Variants in RRAGC observed in about 807,000 individuals in gnomAD.
RRAGC encodes ras-related GTP-binding protein C.
Under a neutral mutation model 37.1 loss-of-function variants are expected in RRAGC, and 8 were observed. The ratio of observed to expected loss-of-function variants is 0.22; its 90% CI spans 0.13 to 0.39. The LOEUF (loss-of-function observed/expected upper bound fraction) is 0.39, where lower values mean the gene tolerates loss of function less well. Among genes scored for constraint, RRAGC ranks in the 10% least tolerant of loss-of-function variants. RRAGC has a pLI of 1.00. For synonymous variants in RRAGC, 190 were observed against 181.1 expected (o/e 1.05, Z -0.39); for missense variants, 342 against 497.6 (o/e 0.69, Z 2.98).
chr1:38,856,826 G>C, intron 2 of RRAGC, 53 bp downstream of exon 2: 5 of 1,548,068 alleles, frequency 3.2e-6, no homozygotes, highest in Non-Finnish European at 4.5e-6. Context: ...ACTTTCCTTT[G>C]TTTCTACATC....
chr1:38,854,860 C>G (rs1455072654), intron 3 of RRAGC, among the ~76,000 whole-genome samples: 1 of 152,148 alleles, frequency 6.6e-6, no homozygotes, highest in Non-Finnish European at 1.5e-5. Context: ...AGAGAAATAA[C>G]TTGCTGTCTC....
chr1:38,859,618 G>A lies in RRAGC; in HGVS notation c.29C>T (p.Thr10Met), dbSNP rs865839016. 6 of 1,561,998 alleles carry A rather than the reference G, an allele frequency of 3.8e-6. No individual in the cohort carries two copies. Among genetic ancestry groups the A allele is most frequent in the Non-Finnish European group, 5.2e-6 (6 of 1,154,852 alleles). ...CGCGCCGTAACTGCCGGCGAGGGGC[G>A]TCTCCTCCGCCCCGTACTGCAGGGA... Reference protein sequence around the residue: MSLQYGAEETPLAGSYGAAD... With the variant: MSLQYGAEEMPLAGSYGAAD... The change falls in exon 1 of 7, where the codon ACG becomes ATG. Residue 10 changes from threonine (T) to methionine (M), a missense_variant. Coordinates refer to ENST00000373001, the MANE Select transcript of RRAGC (RefSeq NM_022157.4).
At chr1:38,856,643 C>A in intron 2 of RRAGC, 2 of 373,446 alleles carry the variant, frequency 5.4e-6, no homozygotes, top group South Asian at 7.8e-5. Context: ...CCAATGTTAG[C>A]TGCTCATCAA....
chr1:38,845,571 C>T (rs976721845), intron 6 of RRAGC, among the ~76,000 whole-genome samples: 5 of 152,164 alleles, frequency 3.3e-5, no homozygotes, highest in Non-Finnish European at 5.9e-5. Context: ...ACATATATAC[C>T]TATGTAGCAA....
At chr1:38,854,543 G>A (rs1642143086) in intron 3 of RRAGC, among the ~76,000 whole-genome samples, 1 of 152,192 alleles carries the variant, frequency 6.6e-6, no homozygotes, top group Non-Finnish European at 1.5e-5. Flanking sequence ...CACAGGACAA[G>A]AACGGCTCAA....
At position 38,839,545 on chromosome 1, in the gene RRAGC, G is replaced by A. The variant is rs1641924781; in HGVS notation, c.*8C>T. The A allele has an allele frequency of 6.2e-7, 1 of 1,613,720 alleles. No homozygotes were observed. The highest frequency in any genetic ancestry group is 8.5e-7 in the Non-Finnish European group (1 of 1,179,846). On this transcript the variant is annotated 3_prime_UTR_variant, in exon 7 of 7. Transcript: ENST00000373001. ...AGCTGGCACAGAGCCCCGACGCTGG[G>A]ATTCAGACTAGATGGCGTTTCGTGG...
In RRAGC at chr1:38,839,535, C is replaced by T. The variant is rs1232195458; in HGVS notation, c.*18G>A. 2 of 1,613,330 alleles carry T rather than the reference C, an allele frequency of 1.2e-6. No individual in the cohort carries two copies. Among genetic ancestry groups the T allele is most frequent in the East Asian group, 2.2e-5 (1 of 44,818 alleles). ...GTGAAGAGTAAGCTGGCACAGAGCC[C>T]CGACGCTGGGATTCAGACTAGATGG... On this transcript the variant is annotated 3_prime_UTR_variant, in exon 7 of 7. Coordinates refer to ENST00000373001, the MANE Select transcript of RRAGC (RefSeq NM_022157.4).
chr1:38,845,873 T>C, intron 6 of RRAGC, 66 bp downstream of exon 6: 1 of 1,379,592 alleles, frequency 7.2e-7, no homozygotes, highest in Non-Finnish European at 9.9e-7. Context: ...TTTCACTTGT[T>C]TTCAAGAACC....
chr1:38,851,588 T>A (rs758812628), intron 5 of RRAGC, 27 bp downstream of exon 5: 1 of 1,468,016 alleles, frequency 6.8e-7, no homozygotes, highest in Non-Finnish European at 9.0e-7. Context: ...CTGTCTGAGA[T>A]ATTGCAGGAA....
At position 38,839,239 on chromosome 1, in the gene RRAGC, A is replaced by G; in HGVS notation, c.*314T>C. ...CAACATTCCCTGGTAAGGATGGGTA[A>G]CTGGTGTTATCTCCAGGTCCAAAAT... is the stretch of plus-strand genomic sequence containing the variant. On this transcript the variant is annotated 3_prime_UTR_variant, in exon 7 of 7. Coordinates refer to ENST00000373001, the MANE Select transcript of RRAGC (RefSeq NM_022157.4). 3.9e-6 allele frequency: 1 copy of G among 255,496 alleles called. No individual in the cohort carries two copies. Among genetic ancestry groups the G allele is most frequent in the Non-Finnish European group, 7.3e-6 (1 of 136,510 alleles). 15.8% of individuals were successfully genotyped at this position (255,496 alleles called of 1,614,324 possible). A position where few individuals can be genotyped will look rare whatever the true frequency, so the allele number is the denominator to read the frequency against.
At chr1:38,851,863 A>C in intron 4 of RRAGC, 106 bp from the exon 5 acceptor site, 2 of 947,520 alleles carry the variant, frequency 2.1e-6, no homozygotes, top group Non-Finnish European at 3.2e-6. Flanking sequence ...ATTTTTAATT[A>C]TATAACCCAA....
intron 6 of RRAGC, among the ~76,000 whole-genome samples, chr1:38,843,747 G>A (rs530334091): frequency 3.6e-4 from 55 of 151,480 alleles, no homozygotes; most frequent in African/African-American, 1.3e-3. Flanking sequence ...AGGTAGAAGA[G>A]GAAGGACTTG....
chr1:38,845,159 T>C (rs1019956518), intron 6 of RRAGC, among the ~76,000 whole-genome samples: 3 of 152,172 alleles, frequency 2.0e-5, no homozygotes, highest in East Asian at 1.9e-4. Context: ...CATTCTACTA[T>C]AAAGACACAC....
At chr1:38,858,831 G>C (rs1642198739) in intron 1 of RRAGC, among the ~76,000 whole-genome samples, 1 of 152,196 alleles carries the variant, frequency 6.6e-6, no homozygotes, top group Non-Finnish European at 1.5e-5. Flanking sequence ...CCTACAGGGG[G>C]AACAGCACCA....
intron 3 of RRAGC, among the ~76,000 whole-genome samples, chr1:38,853,239 G>A (rs548597928): frequency 6.6e-6 from 1 of 152,342 alleles, no homozygotes; most frequent in Admixed American, 6.5e-5. Context: ...ATCTACAGGA[G>A]TCTGGAGGCC....
At chr1:38,846,817 T>C (rs1252229099) in intron 5 of RRAGC, 1 of 151,994 alleles carries the variant, frequency 6.6e-6, no homozygotes, top group African/African-American at 2.4e-5. Flanking sequence ...AAAAAGAAAA[T>C]GTCGGCTGGG....
intron 3 of RRAGC, among the ~76,000 whole-genome samples, chr1:38,854,954 T>A (rs1401435730): frequency 1.3e-5 from 2 of 152,176 alleles, no homozygotes; most frequent in Non-Finnish European, 2.9e-5. Context: ...TCTACCTATA[T>A]CACCAAATAA....
chr1:38,854,794 G>A (rs1476760272), intron 3 of RRAGC, among the ~76,000 whole-genome samples: 4 of 152,158 alleles, frequency 2.6e-5, no homozygotes, highest in Non-Finnish European at 5.9e-5. Flanking sequence ...AATTTTAGGG[G>A]GAGGGATAGC....
chr1:38,859,394 G>A lies in RRAGC; in HGVS notation c.237+16C>T, dbSNP rs1338764633. On this transcript the variant is annotated intron_variant, in intron 1 of 6. Coordinates refer to ENST00000373001, the MANE Select transcript of RRAGC (RefSeq NM_022157.4). ...AACCGGGGAGGGGGCGGGGGACTGG[G>A]CGCAGCCCTGCTCACCTTCTGGATG... The A allele has an allele frequency of 5.2e-6, 8 of 1,545,766 alleles. No homozygotes were observed. Among genetic ancestry groups the A allele is most frequent in the Non-Finnish European group, 7.0e-6 (8 of 1,144,976 alleles).
Sources: allele counts gnomAD v4.1 joint callset (sites outside exome capture counted in the v4.1 genomes callset), GRCh38; gene constraint gnomAD v4.1.1; transcripts MANE v1.5; gene names NCBI Gene and HGNC (gene_info 2026-07-23, HGNC 2026-07-21).